UMPS: variants seen among roughly 807,000 people sequenced by gnomAD.
UMPS encodes uridine monophosphate synthetase.
Under a neutral mutation model 38.9 loss-of-function variants are expected in UMPS, and 21 were observed. The observed-to-expected ratio is 0.54, with a 90% CI of 0.38 to 0.78. The LOEUF is 0.78. UMPS is among the 30% of genes least tolerant of loss of function. The pLI, the probability that UMPS is intolerant of heterozygous loss-of-function variation, is 0.00. For synonymous variants in UMPS, 208 were observed against 219.3 expected, an observed-to-expected ratio of 0.95 and a Z score of 0.45; for missense variants, 533 against 591.6, an observed-to-expected ratio of 0.90 and a Z score of 1.03.
rs533030976 is a variant in UMPS at position 124,736,480 on chromosome 3, T to A, written c.311-1088T>A. 3.1e-3 allele frequency among the ~76,000 whole-genome samples: 476 copies of A among 152,152 alleles called. 2 individuals are homozygous for A. Among genetic ancestry groups the A allele is most frequent in the African/African-American group, 0.011 (443 of 41,508 alleles). On this transcript the variant is annotated intron_variant, in intron 2 of 5. Coordinates refer to ENST00000232607, the MANE Select transcript of UMPS (RefSeq NM_000373.4). ...TTAGTTTTTCTGTTTTTGTTTTTTG[T>A]TTTTTTGAGACAAGGTCTCACTCTG...
intron 3 of UMPS, chr3:124,738,686 T>C (rs895649167): frequency 6.5e-6 from 1 of 154,614 alleles, no homozygotes; most frequent in Admixed American, 6.4e-5. Context: ...ATATGATGTT[T>C]TGAATGAAAA....
rs1205623528 is a variant in UMPS, at chr3:124,749,142, G to A, written c.*5058G>A. 8.8e-6 allele frequency: 4 copies of A among 453,896 alleles called. No individual in the cohort carries two copies. The highest frequency in any genetic ancestry group is 4.7e-5 in the South Asian group (3 of 64,474). The allele number at this position is 453,896 out of a possible 1,614,324, so 28.1% of individuals were successfully genotyped here. A position where few individuals can be genotyped will look rare whatever the true frequency, so the allele number is the denominator to read the frequency against. ...CAAGACATGCTGTCCTTGTTTACCTGGAACCTAGCAATGTTGTTTTCTGCC... is the reference window on the plus strand; with the variant it reads ...CAAGACATGCTGTCCTTGTTTACCTAGAACCTAGCAATGTTGTTTTCTGCC... On this transcript the variant is annotated 3_prime_UTR_variant, in exon 6 of 6. Transcript: ENST00000232607.
chr3:124,736,642 C>T (rs1451854783), intron 2 of UMPS, among the ~76,000 whole-genome samples: 3 of 152,116 alleles, frequency 2.0e-5, no homozygotes, highest in Admixed American at 2.0e-4. Flanking sequence ...TGAATCCCTA[C>T]CCATAAGAAA....
intron 4 of UMPS, among the ~76,000 whole-genome samples, chr3:124,741,918 T>C (rs1468884543): frequency 6.6e-6 from 1 of 152,000 alleles, no homozygotes; most frequent in African/African-American, 2.4e-5. Context: ...AGTTTCTAAC[T>C]AGATAATAGA....
chr3:124,748,418 G>A lies in UMPS; in HGVS notation c.*4334G>A, dbSNP rs1020340812. 5 of 453,808 alleles carry A rather than the reference G, an allele frequency of 1.1e-5. No homozygotes were observed. The highest frequency in any genetic ancestry group is 1.8e-5 in the Non-Finnish European group (4 of 226,774). The allele number at this position is 453,808 out of a possible 1,614,324, so 28.1% of individuals were successfully genotyped here. On this transcript the variant is annotated 3_prime_UTR_variant, in exon 6 of 6. Coordinates refer to ENST00000232607, the MANE Select transcript of UMPS (RefSeq NM_000373.4). ...CCCATAACCCTTCCAAAGGAAGGCC[G>A]CAATAGAAATACAAAGAGAAACAAA...
At chr3:124,734,222 A>G (rs2063501300) in intron 1 of UMPS, among the ~76,000 whole-genome samples, 1 of 152,096 alleles carries the variant, frequency 6.6e-6, no homozygotes, top group Admixed American at 6.5e-5. Flanking sequence ...TAAACCTATG[A>G]TCTAGTTCAC....
chr3:124,746,698 G>T lies in UMPS; in HGVS notation c.*2614G>T. The stretch of plus-strand genomic sequence containing the variant: ...CTGTGAGACTGATGGAGTGGAGAAC[G>T]CCATCCCCCAGCCTCTCCAGCTACT... On this transcript the variant is annotated 3_prime_UTR_variant, in exon 6 of 6. Coordinates refer to ENST00000232607, the MANE Select transcript of UMPS (RefSeq NM_000373.4). 1 of 451,972 alleles carries T rather than the reference G, an allele frequency of 2.2e-6. No homozygotes were observed. Among genetic ancestry groups the T allele is most frequent in the South Asian group, 1.6e-5 (1 of 64,422 alleles). The allele number at this position is 451,972 out of a possible 1,614,324, so 28.0% of individuals were successfully genotyped here.
intron 3 of UMPS, chr3:124,738,862 TC>T (rs1185236199): frequency 6.5e-6 from 1 of 152,760 alleles, no homozygotes; most frequent in Non-Finnish European, 1.5e-5. Context: ...TACTGCCTAT[TC>T]TATGCAAATT....
At chr3:124,740,003 T>C (rs2063544888) in intron 3 of UMPS, 21 bp from the exon 4 acceptor site, 6 of 1,612,656 alleles carry the variant, frequency 3.7e-6, no homozygotes, top group Non-Finnish European at 5.1e-6. Context: ...AGCAAATATC[T>C]TTTTTCCCCC....
intron 5 of UMPS, chr3:124,742,612 A>G (rs1409665620): frequency 4.4e-6 from 1 of 229,166 alleles, no homozygotes; most frequent in African/African-American, 2.3e-5. Flanking sequence ...TTGACTAGAT[A>G]TTATAGTTAG....
In UMPS at chr3:124,737,606, GA is replaced by G. The variant is rs961580415; in HGVS notation, c.352del (p.Thr118ProfsTer3). ...TGTAGAAGGAACTATTAATCCAGGA[GA>G]AACCTGTTTAATCATTGAAGATGTT... The part of the protein sequence containing the change: ...RLVEGTINPG[E>X]TCLIIEDVVT... On this transcript the variant is annotated frameshift_variant, in exon 3 of 6. Coordinates refer to ENST00000232607, the MANE Select transcript of UMPS (RefSeq NM_000373.4). LOFTEE classifies it high-confidence loss of function. 9 of 1,614,082 alleles carry G rather than the reference GA, an allele frequency of 5.6e-6. No homozygotes were observed. The African/African-American group carries it at 1.2e-4, about 22-fold the overall frequency.
Position 124,738,240 on chromosome 3 carries a change from G to A in UMPS, c.982+1G>A. The stretch of plus-strand genomic sequence containing the variant: ...AACACAGTGAAAAAGCAGTATGAAG[G>A]TAAGTGTATTATTCAGGAATCTGCA... On this transcript the variant is annotated splice_donor_variant, in intron 3 of 5. Coordinates refer to ENST00000232607, the MANE Select transcript of UMPS (RefSeq NM_000373.4). LOFTEE classifies it high-confidence loss of function. 2 of 1,613,724 alleles carry A rather than the reference G, an allele frequency of 1.2e-6. No individual in the cohort carries two copies. The highest frequency in any genetic ancestry group is 1.3e-5 in the African/African-American group (1 of 75,056).
At position 124,748,836 on chromosome 3, in the gene UMPS, G is replaced by A. The variant is rs2063623703; in HGVS notation, c.*4752G>A. 1 of 410,046 alleles carries A rather than the reference G, an allele frequency of 2.4e-6. No homozygotes were observed. Among genetic ancestry groups the A allele is most frequent in the African/African-American group, 2.1e-5 (1 of 48,770 alleles). 25.4% of individuals were successfully genotyped at this position (410,046 alleles called of 1,614,324 possible). ...TGTGGCTCCAGAGTAACATTATAGA[G>A]AAGCTGAATTCTCCTGTTTTTCTGA... is the stretch of plus-strand genomic sequence containing the variant. On this transcript the variant is annotated 3_prime_UTR_variant, in exon 6 of 6. Coordinates refer to ENST00000232607, the MANE Select transcript of UMPS (RefSeq NM_000373.4).
chr3:124,739,872 C>T (rs528550880), intron 3 of UMPS, 152 bp from the exon 4 acceptor site: 26 of 766,268 alleles, frequency 3.4e-5, no homozygotes, highest in Admixed American at 8.3e-5. Context: ...AACCATGGGT[C>T]TGCTGATAAT....
Position 124,738,019 on chromosome 3 carries a change from G to C in UMPS, c.762G>C (p.Leu254=). 2 of 1,614,222 alleles carry C rather than the reference G, an allele frequency of 1.2e-6. No individual in the cohort carries two copies. Among genetic ancestry groups the C allele is most frequent in the Non-Finnish European group, 1.7e-6 (2 of 1,180,034 alleles). The part of the protein sequence containing the change: ...LRLMQKKETN[L]CLSADVSLAR... ...TTATGCAAAAGAAGGAGACCAATCT[G>C]TGTCTATCTGCTGATGTTTCACTGG... The change falls in exon 3 of 6, where the codon CTG becomes CTC. Residue 254 remains leucine, a synonymous_variant. Transcript: ENST00000232607.
intron 4 of UMPS, among the ~76,000 whole-genome samples, chr3:124,740,553 C>T (rs1470590220): frequency 6.6e-6 from 1 of 152,204 alleles, no homozygotes; most frequent in Non-Finnish European, 1.5e-5. Context: ...TGCAGTTTCT[C>T]AGAATCTCCC....
In UMPS at chr3:124,744,388, G is replaced by A; in HGVS notation, c.*304G>A. ...TTGAGGATCCTTCCTATCTCTCCAT[G>A]GGACTAGACTGCTTTGTTATTCTAT... On this transcript the variant is annotated 3_prime_UTR_variant, in exon 6 of 6. Coordinates refer to ENST00000232607, the MANE Select transcript of UMPS (RefSeq NM_000373.4). 2.0e-6 allele frequency: 1 copy of A among 492,154 alleles called. No homozygotes were observed. Among genetic ancestry groups the A allele is most frequent in the Non-Finnish European group, 4.0e-6 (1 of 252,160 alleles). 30.5% of individuals were successfully genotyped at this position (492,154 alleles called of 1,614,324 possible).
chr3:124,733,228 A>G (rs1369322382), intron 1 of UMPS, among the ~76,000 whole-genome samples: 1 of 152,122 alleles, frequency 6.6e-6, no homozygotes, highest in Non-Finnish European at 1.5e-5. Context: ...GGTAGCATTA[A>G]CTCACTAAAA....
At chr3:124,731,898 A>T (rs2063481470) in intron 1 of UMPS, among the ~76,000 whole-genome samples, 1 of 147,882 alleles carries the variant, frequency 6.8e-6, no homozygotes, top group Admixed American at 6.8e-5. Flanking sequence ...AAAAAAAAAG[A>T]GATCCTCTTA....
Sources: gnomAD v4.1 joint callset for allele counts (sites outside exome capture counted in the v4.1 genomes callset) on GRCh38, gnomAD v4.1.1 for gene constraint, MANE v1.5 for transcripts, NCBI Gene and HGNC (gene_info 2026-07-23, HGNC 2026-07-21) for gene names.